The following PCDH15 variants were observed in gnomAD, a reference collection of about 807,000 sequenced individuals.
PCDH15 encodes protocadherin-15.
PCDH15 carries 129 observed loss-of-function variants against 178.5 expected under a neutral mutation model. That is an observed-to-expected ratio of 0.72 (90% CI 0.63 to 0.84). The LOEUF is 0.84. Among genes scored for constraint, PCDH15 ranks in the 40% least tolerant of loss-of-function variants. The pLI, the probability that PCDH15 is intolerant of heterozygous loss-of-function variation, is 0.00. For synonymous variants in PCDH15, 800 were observed against 732.0 expected, an observed-to-expected ratio of 1.09 and a Z score of -1.50; for missense variants, 2,230 against 2,099.9, an observed-to-expected ratio of 1.06 and a Z score of -1.21.
intron 17 of PCDH15, among the ~76,000 whole-genome samples, chr10:54,072,637 C>T (rs1390880180): frequency 6.6e-6 from 1 of 152,054 alleles, no homozygotes; most frequent in Non-Finnish European, 1.5e-5. Flanking sequence ...ACTGGAGAAA[C>T]ATTTTGGAAG....
At chr10:53,845,067 T>C (rs997577460) in intron 28 of PCDH15, among the ~76,000 whole-genome samples, 2 of 151,882 alleles carry the variant, frequency 1.3e-5, no homozygotes, top group Non-Finnish European at 2.9e-5. Context: ...AGGATCTGAA[T>C]AGACAATTCT....
chr10:54,039,346 T>C (rs1414828782), intron 18 of PCDH15, among the ~76,000 whole-genome samples: 1 of 151,980 alleles, frequency 6.6e-6, no homozygotes, highest in African/African-American at 2.4e-5. Context: ...TAGAATTCAC[T>C]CTGAATTATT....
intron 13 of PCDH15, among the ~76,000 whole-genome samples, chr10:54,182,915 A>G (rs1477017285): frequency 6.6e-6 from 1 of 152,150 alleles, no homozygotes; most frequent in African/African-American, 2.4e-5. Context: ...TTTACCTCTA[A>G]TAACCAGTTA....
At chr10:54,394,239 T>G (rs1020432591) in intron 3 of PCDH15, among the ~76,000 whole-genome samples, 2 of 152,160 alleles carry the variant, frequency 1.3e-5, no homozygotes, top group African/African-American at 4.8e-5. Context: ...CATTAGAATA[T>G]GTTGCATTAT....
At chr10:54,880,011 C>G (rs1020914151) in intron 3 of PCDH15, among the ~76,000 whole-genome samples, 7 of 152,056 alleles carry the variant, frequency 4.6e-5, no homozygotes, top group Admixed American at 3.9e-4. Context: ...TGATCACTAC[C>G]TCACTAAAGT....
intron 2 of PCDH15, among the ~76,000 whole-genome samples, chr10:54,652,663 C>T (rs144593698): frequency 3.1e-4 from 47 of 152,188 alleles, no homozygotes; most frequent in African/African-American, 1.1e-3. Context: ...AGAGACATCA[C>T]GGGTGTGCCT....
In PCDH15 at chr10:55,340,745, A is replaced by C. The variant is rs571218728; in HGVS notation, c.-155-174094T>G. Among the ~76,000 whole-genome samples, 5 of 152,234 alleles carry C rather than the reference A, an allele frequency of 3.3e-5. No individual in the cohort carries two copies. In the South Asian group the frequency reaches 1.0e-3, roughly 32 times the overall value. Reference sequence around the variant, plus strand: ...TATTTTATTAATGATAGCATGAAGTATGATAATGAATCTATGAGATTTTGT... The same window carrying C: ...TATTTTATTAATGATAGCATGAAGTCTGATAATGAATCTATGAGATTTTGT... On this transcript the variant is annotated intron_variant, in intron 2 of 5. Coordinates refer to the PCDH15 transcript ENST00000613346.
chr10:55,593,463 G>A (rs545153779), intron 2 of PCDH15, among the ~76,000 whole-genome samples: 3 of 151,838 alleles, frequency 2.0e-5, no homozygotes, highest in South Asian at 2.1e-4. Flanking sequence ...TAATATATCC[G>A]AGAAGATAAA....
intron 2 of PCDH15, among the ~76,000 whole-genome samples, chr10:54,555,738 A>G (rs1353179276): frequency 3.7e-5 from 3 of 81,496 alleles, no homozygotes; most frequent in Admixed American, 1.3e-4. Context: ...CTCTGTCTCA[A>G]AAAAAAAAAA....
At chr10:54,979,257 T>A (rs1564684160) in intron 2 of PCDH15, among the ~76,000 whole-genome samples, 1 of 152,218 alleles carries the variant, frequency 6.6e-6, no homozygotes, top group Non-Finnish European at 1.5e-5. Context: ...AATAAAAGTT[T>A]ATAGAAGAAA....
At chr10:54,516,728 C>T (rs1018640503) in intron 3 of PCDH15, among the ~76,000 whole-genome samples, 3 of 151,418 alleles carry the variant, frequency 2.0e-5, no homozygotes, top group South Asian at 2.1e-4. Context: ...AGATACTCCT[C>T]GAGAAGAGCA....
rs148374661 is a variant in PCDH15, at chr10:54,329,555, A to C, written c.705+41T>G. On this transcript the variant is annotated intron_variant, in intron 7 of 37. Transcript: ENST00000644397. The stretch of plus-strand genomic sequence containing the variant: ...ACATTTTGGATGAGTTTTTTACTTC[A>C]TAAATTCACAGAAGAAATTTAAAAG... 8.0e-4 allele frequency: 1,153 copies of C among 1,438,052 alleles called. 11 individuals carry two copies. The highest frequency in any genetic ancestry group is 1.2e-4 in the Non-Finnish European group (125 of 1,021,794). The allele number at this position is 1,438,052 out of a possible 1,614,324, so 89.1% of individuals were successfully genotyped here.
At chr10:54,587,702 C>T (rs929513905) in intron 2 of PCDH15, among the ~76,000 whole-genome samples, 2 of 152,136 alleles carry the variant, frequency 1.3e-5, no homozygotes, top group Non-Finnish European at 2.9e-5. Flanking sequence ...AAATCAATCA[C>T]TATTCAAACT....
rs564661809 is a variant in PCDH15 at position 54,537,766 on chromosome 10, A to G, written c.92-9889T>C. 2.0e-4 allele frequency among the ~76,000 whole-genome samples: 30 copies of G among 152,118 alleles called. 1 individual carries two copies. In the South Asian group the frequency reaches 5.8e-3, roughly 30 times the overall value. On this transcript the variant is annotated intron_variant, in intron 2 of 37. Coordinates refer to ENST00000644397, the MANE Select transcript of PCDH15 (RefSeq NM_001384140.1). ...ACAAGCATTCCCTTCTCTGTGCAGC[A>G]TTACCAGCATCTTTTGTTTTTTGAC...
Position 54,845,652 on chromosome 10 carries a change from A to C in PCDH15, c.-29+51798T>G, listed in dbSNP as rs114928115. 4.3e-3 allele frequency among the ~76,000 whole-genome samples: 657 copies of C among 152,152 alleles called. 5 individuals carry two copies. The highest frequency in any genetic ancestry group is 0.015 in the African/African-American group (612 of 41,534). On this transcript the variant is annotated intron_variant, in intron 3 of 5. Transcript: ENST00000458638. ...AAGTTTTCTGATGCTTCCCAGGATA[A>C]AATTTTGAATAGACAGAGAAAGGCT... is the stretch of plus-strand genomic sequence containing the variant.
intron 2 of PCDH15, among the ~76,000 whole-genome samples, chr10:54,567,853 T>C (rs1271192562): frequency 6.6e-6 from 1 of 152,198 alleles, no homozygotes; most frequent in Non-Finnish European, 1.5e-5. Context: ...AGTTACATCA[T>C]AGAAGGCCTT....
At chr10:54,617,755 C>CAAAAAAA (rs71010398) in intron 2 of PCDH15, among the ~76,000 whole-genome samples, 2 of 117,128 alleles carry the variant, frequency 1.7e-5, no homozygotes, top group African/African-American at 6.7e-5. Flanking sequence ...TCTAAAAATA[C>CAAAAAAA]AAAAAAAAAA....
chr10:54,867,237 T>C (rs890270692), intron 3 of PCDH15, among the ~76,000 whole-genome samples: 4 of 152,124 alleles, frequency 2.6e-5, no homozygotes, highest in African/African-American at 7.2e-5. Context: ...TGTTGTGCAT[T>C]GGGATTCAGC....
At chr10:54,536,770 A>C (rs7087298) in intron 2 of PCDH15, among the ~76,000 whole-genome samples, 30,004 of 152,076 alleles carry the variant, frequency 0.2, 3,261 homozygotes, top group East Asian at 0.32. Flanking sequence ...TTCCTGTGTT[A>C]ACTTGCTTAG....
Sources: allele counts gnomAD v4.1 joint callset (sites outside exome capture counted in the v4.1 genomes callset), GRCh38; gene constraint gnomAD v4.1.1; transcripts MANE v1.5; gene names NCBI Gene and HGNC (gene_info 2026-07-23, HGNC 2026-07-21).